The following CFAP57 variants were observed in gnomAD, a reference collection of about 807,000 sequenced individuals.
CFAP57 encodes cilia- and flagella-associated protein 57.
Under a neutral mutation model 146.8 loss-of-function variants are expected in CFAP57, and 116 were observed. The ratio of observed to expected loss-of-function variants is 0.79; its 90% confidence interval spans 0.68 to 0.92. The LOEUF (loss-of-function observed/expected upper bound fraction) is 0.92, where lower values mean the gene tolerates loss of function less well. Ranked by LOEUF, CFAP57 falls within the 40% of genes least tolerant of loss-of-function variation. The pLI, the probability that CFAP57 is intolerant of heterozygous loss-of-function variation, is 0.00. For missense variants in CFAP57, 1,377 were observed against 1,527.2 expected (o/e 0.90, Z 1.64); for synonymous variants, 518 against 552.8 (o/e 0.94, Z 0.88).
chr1:43,231,006 A>G (rs1645445096), intron 18 of CFAP57, among the ~76,000 whole-genome samples: 2 of 152,132 alleles, frequency 1.3e-5, no homozygotes, highest in Admixed American at 1.3e-4. Context: ...CTCTGCCAAC[A>G]CTGCCTTCTT....
At chr1:43,215,151 C>A in intron 11 of CFAP57, 104 bp from the exon 12 acceptor site, 1 of 1,345,234 alleles carries the variant, frequency 7.4e-7, no homozygotes, top group Non-Finnish European at 1.0e-6. Flanking sequence ...CCCTGTGAGG[C>A]TGTGCCCAGG....
chr1:43,182,552 C>T (rs1645458065), intron 3 of CFAP57, among the ~76,000 whole-genome samples: 1 of 152,230 alleles, frequency 6.6e-6, no homozygotes, highest in Admixed American at 6.5e-5. Flanking sequence ...CAGCATATCA[C>T]AACCAGAATG....
chr1:43,206,507 TGA>T (rs551600424), intron 9 of CFAP57: 379 of 581,566 alleles, frequency 6.5e-4, no homozygotes, highest in African/African-American at 6.4e-3. Context: ...GAAAAAGAAA[TGA>T]GAGTGTTTCA....
intron 11 of CFAP57, among the ~76,000 whole-genome samples, chr1:43,212,042 C>T (rs562507430): frequency 6.6e-6 from 1 of 152,270 alleles, no homozygotes; most frequent in African/African-American, 2.4e-5. Flanking sequence ...TCTTGAAATA[C>T]TTATAGGTTT....
At chr1:43,180,083 G>A (rs999213290) in intron 2 of CFAP57, among the ~76,000 whole-genome samples, 4 of 151,878 alleles carry the variant, frequency 2.6e-5, no homozygotes, top group African/African-American at 7.2e-5. Flanking sequence ...GCACATGCCT[G>A]TAATCCCTGC....
chr1:43,220,173 T>C (rs901062837), intron 13 of CFAP57, among the ~76,000 whole-genome samples: 7 of 152,228 alleles, frequency 4.6e-5, no homozygotes, highest in African/African-American at 1.2e-4. Context: ...AATTTTGTTT[T>C]ACATACTTTT....
rs1365625220 is a variant in CFAP57, at chr1:43,172,382, G to C, written c.-91G>C. On this transcript the variant is annotated 5_prime_UTR_variant, in exon 1 of 23. Coordinates refer to ENST00000372492, the MANE Select transcript of CFAP57 (RefSeq NM_001378189.1). Reference sequence around the variant, plus strand: ...CCGCTACGGCGTTTGAAAGTGTCCGGGTTGCTTAGGATCCCTACAGGTAGC... The same window carrying C: ...CCGCTACGGCGTTTGAAAGTGTCCGCGTTGCTTAGGATCCCTACAGGTAGC... The C allele has an allele frequency of 3.9e-6, 6 of 1,551,470 alleles. No homozygotes were observed. Among genetic ancestry groups the C allele is most frequent in the Middle Eastern group, 3.3e-4 (2 of 6,012 alleles).
intron 21 of CFAP57, among the ~76,000 whole-genome samples, 155 bp downstream of exon 21, chr1:43,234,793 C>T (rs12093316): frequency 0.11 from 16,429 of 152,132 alleles, 2,042 homozygotes; most frequent in African/African-American, 0.31. Context: ...CTCCTCTCCT[C>T]TGAGCTCGTC....
At chr1:43,233,044 A>G (rs1645537818) in intron 19 of CFAP57, among the ~76,000 whole-genome samples, 1 of 152,222 alleles carries the variant, frequency 6.6e-6, no homozygotes, top group Non-Finnish European at 1.5e-5. Flanking sequence ...TTAGGCCCCA[A>G]AAATTGGGAG....
chr1:43,216,914 A>G (rs1644854551), intron 12 of CFAP57, among the ~76,000 whole-genome samples: 1 of 152,242 alleles, frequency 6.6e-6, no homozygotes, highest in African/African-American at 2.4e-5. Flanking sequence ...TTTAGCTGAT[A>G]GCCTGGGAAG....
intron 9 of CFAP57, among the ~76,000 whole-genome samples, chr1:43,205,540 C>T (rs1342591934): frequency 6.6e-6 from 1 of 152,206 alleles, no homozygotes; most frequent in Admixed American, 6.5e-5. Flanking sequence ...TTGGCTTGCC[C>T]TTCATGGCTT....
intron 6 of CFAP57, among the ~76,000 whole-genome samples, chr1:43,190,265 C>CTTTTTT (rs71036614): frequency 1.0e-3 from 72 of 71,428 alleles, no homozygotes; most frequent in African/African-American, 2.7e-3. Flanking sequence ...CATCCAGTCT[C>CTTTTTT]TTTTTTTTTT....
chr1:43,229,554 G>A (rs1645388223), intron 18 of CFAP57, among the ~76,000 whole-genome samples: 1 of 148,516 alleles, frequency 6.7e-6, no homozygotes, highest in Admixed American at 6.6e-5. Context: ...CTCATTTGTA[G>A]AGCTGCAACT....
intron 6 of CFAP57, among the ~76,000 whole-genome samples, chr1:43,189,985 C>T (rs1169670757): frequency 3.3e-5 from 5 of 152,186 alleles, no homozygotes; most frequent in African/African-American, 1.2e-4. Context: ...CCACCAGGTC[C>T]CACCTTCAAC....
chr1:43,235,154 C>T (rs1212042731), intron 21 of CFAP57, among the ~76,000 whole-genome samples: 2 of 152,146 alleles, frequency 1.3e-5, no homozygotes, highest in African/African-American at 2.4e-5. Context: ...CAGGTCCCTA[C>T]CCTTATCTCT....
chr1:43,246,363 A>G (rs1247762030), intron 22 of CFAP57, among the ~76,000 whole-genome samples: 1 of 152,236 alleles, frequency 6.6e-6, no homozygotes, highest in African/African-American at 2.4e-5. Flanking sequence ...GAGGCCAGAT[A>G]TAAACCCTCA....
chr1:43,247,718 A>C (rs902464417), intron 22 of CFAP57, among the ~76,000 whole-genome samples: 3 of 152,232 alleles, frequency 2.0e-5, no homozygotes, highest in Non-Finnish European at 4.4e-5. Context: ...ATTTCTCTGT[A>C]TGTGCAAAGA....
At chr1:43,197,129 G>A (rs1053582034) in intron 6 of CFAP57, among the ~76,000 whole-genome samples, 7 of 152,208 alleles carry the variant, frequency 4.6e-5, no homozygotes, top group South Asian at 4.1e-4. Context: ...CAAGGTGGGC[G>A]GATCATAAGG....
At chr1:43,173,559 A>G (rs1645058878) in intron 2 of CFAP57, among the ~76,000 whole-genome samples, 1 of 152,244 alleles carries the variant, frequency 6.6e-6, no homozygotes, top group Non-Finnish European at 1.5e-5. Flanking sequence ...TACCAGTTCT[A>G]GTGCTTCTCC....
Sources: gnomAD v4.1 joint callset for allele counts (sites outside exome capture counted in the v4.1 genomes callset) on GRCh38, gnomAD v4.1.1 for gene constraint, MANE v1.5 for transcripts, NCBI Gene and HGNC (gene_info 2026-07-23, HGNC 2026-07-21) for gene names.